ADAMTS12: variants seen among roughly 807,000 people sequenced by gnomAD.
ADAMTS12 encodes the protein ADAM metallopeptidase with thrombospondin type 1 motif 12, also known as A disintegrin and metalloproteinase with thrombospondin motifs 12.
In ADAMTS12, 118 loss-of-function variants were observed where a neutral mutation model predicts 167.8. The observed-to-expected ratio is 0.70, with a 90% CI of 0.61 to 0.82. ADAMTS12 has a LOEUF of 0.82. ADAMTS12 is among the 40% of genes least tolerant of loss of function. ADAMTS12 has a pLI of 0.00. For synonymous variants in ADAMTS12, 704 were observed against 716.9 expected, an observed-to-expected ratio of 0.98 and a Z score of 0.29; for missense variants, 1,916 against 1,998.8, an observed-to-expected ratio of 0.96 and a Z score of 0.79.
intron 2 of ADAMTS12, among the ~76,000 whole-genome samples, chr5:33,796,608 CAATGAGTTGTAAGAGTA>C (rs1161571323): frequency 6.6e-6 from 1 of 152,092 alleles, no homozygotes; most frequent in African/African-American, 2.4e-5. Context: ...TAGTTTTTGC[CAATGAGTTGTAAGAGTA>C]AATGACACAT....
At chr5:33,797,908 G>A (rs974238886) in intron 2 of ADAMTS12, among the ~76,000 whole-genome samples, 1 of 152,132 alleles carries the variant, frequency 6.6e-6, no homozygotes, top group African/African-American at 2.4e-5. Flanking sequence ...TCTAATGTCT[G>A]TAGCAAAGTA....
intron 14 of ADAMTS12, among the ~76,000 whole-genome samples, chr5:33,619,688 T>C (rs776733584): frequency 2.0e-5 from 3 of 152,082 alleles, no homozygotes; most frequent in Non-Finnish European, 4.4e-5. Context: ...TGTATGTATA[T>C]ATTTATTTAT....
At chr5:33,690,147 A>C (rs1259776820) in intron 3 of ADAMTS12, among the ~76,000 whole-genome samples, 2 of 152,196 alleles carry the variant, frequency 1.3e-5, no homozygotes, top group Non-Finnish European at 2.9e-5. Flanking sequence ...AGGTGTGTGC[A>C]TCCATTAGCA....
intron 3 of ADAMTS12, among the ~76,000 whole-genome samples, chr5:33,686,090 A>C (rs1319469156): frequency 3.9e-5 from 6 of 152,076 alleles, no homozygotes; most frequent in African/African-American, 1.4e-4. Flanking sequence ...CTGGGTGGGG[A>C]CAGGTCTGTT....
rs547263587 is a variant in ADAMTS12, at chr5:33,777,703, GAGGCATC to G, written c.490-26162_490-26156del. Among the ~76,000 whole-genome samples, 83 of 152,028 alleles carry G rather than the reference GAGGCATC, an allele frequency of 5.5e-4. No individual in the cohort carries two copies. The East Asian group carries it at 0.014, about 26-fold the overall frequency. On this transcript the variant is annotated intron_variant, in intron 2 of 23. Coordinates refer to ENST00000504830, the MANE Select transcript of ADAMTS12 (RefSeq NM_030955.4). ...GCAGTTAGGCAAGAAAAAGAAATAAGAGGCATCCAAATTGTAAAGGAAGCAGTAAAAT... is the reference window on the plus strand; with the variant it reads ...GCAGTTAGGCAAGAAAAAGAAATAAGCAAATTGTAAAGGAAGCAGTAAAAT...
At chr5:33,745,897 A>G (rs1406282111) in intron 3 of ADAMTS12, among the ~76,000 whole-genome samples, 1 of 152,166 alleles carries the variant, frequency 6.6e-6, no homozygotes, top group Non-Finnish European at 1.5e-5. Context: ...TGCATTAAGC[A>G]TTTCCCCAAA....
At chr5:33,798,017 A>G (rs910639353) in intron 2 of ADAMTS12, among the ~76,000 whole-genome samples, 9 of 152,172 alleles carry the variant, frequency 5.9e-5, no homozygotes, top group Non-Finnish European at 8.8e-5. Flanking sequence ...ACATCTGACA[A>G]TCTCTTTCCT....
At chr5:33,821,900 T>A (rs1052998375) in intron 2 of ADAMTS12, among the ~76,000 whole-genome samples, 1 of 152,178 alleles carries the variant, frequency 6.6e-6, no homozygotes, top group Non-Finnish European at 1.5e-5. Context: ...CAGCTCTTCA[T>A]TTAGAACTGA....
At chr5:33,623,713 T>A (rs560978415) in intron 14 of ADAMTS12, among the ~76,000 whole-genome samples, 45 of 152,310 alleles carry the variant, frequency 3.0e-4, no homozygotes, top group African/African-American at 1.0e-3. Context: ...ATAAACGAGA[T>A]TTGATGCAAC....
At chr5:33,823,157 G>C (rs1323711959) in intron 2 of ADAMTS12, among the ~76,000 whole-genome samples, 2 of 151,516 alleles carry the variant, frequency 1.3e-5, no homozygotes, top group African/African-American at 4.8e-5. Flanking sequence ...CCTTTGGACT[G>C]CCCATAATAT....
chr5:33,573,562 G>C (rs1746505325), intron 19 of ADAMTS12, among the ~76,000 whole-genome samples: 1 of 152,134 alleles, frequency 6.6e-6, no homozygotes, highest in Non-Finnish European at 1.5e-5. Context: ...GCTGAAACTC[G>C]ATCCCTTCCT....
At chr5:33,687,743 T>C (rs1265397849) in intron 3 of ADAMTS12, among the ~76,000 whole-genome samples, 1 of 152,238 alleles carries the variant, frequency 6.6e-6, no homozygotes, top group East Asian at 1.9e-4. Context: ...GTGGGCTGAC[T>C]CTGCGGAGTT....
chr5:33,625,730 G>C (rs72739430), intron 13 of ADAMTS12, among the ~76,000 whole-genome samples: 15,109 of 152,192 alleles, frequency 0.099, 1,197 homozygotes, highest in East Asian at 0.35. Flanking sequence ...ACACACCCAT[G>C]TCCCCAACAT....
chr5:33,867,249 T>A (rs1411509523), intron 2 of ADAMTS12, among the ~76,000 whole-genome samples: 1 of 152,096 alleles, frequency 6.6e-6, no homozygotes, highest in Non-Finnish European at 1.5e-5. Context: ...GAAAATGTGG[T>A]ATACATACAC....
At chr5:33,552,643 T>A (rs1579655154) in intron 20 of ADAMTS12, among the ~76,000 whole-genome samples, 1 of 152,236 alleles carries the variant, frequency 6.6e-6, no homozygotes, top group East Asian at 1.9e-4. Flanking sequence ...AACACATTCA[T>A]AAGACCCTTA....
chr5:33,706,932 T>C (rs1579858190), intron 3 of ADAMTS12, among the ~76,000 whole-genome samples: 1 of 152,238 alleles, frequency 6.6e-6, no homozygotes, highest in East Asian at 1.9e-4. Context: ...CTATTCAGCA[T>C]AGTATTGGAA....
chr5:33,820,432 T>C (rs969218770), intron 2 of ADAMTS12, among the ~76,000 whole-genome samples: 2 of 152,204 alleles, frequency 1.3e-5, no homozygotes, highest in African/African-American at 4.8e-5. Context: ...AAGAACTTTA[T>C]ACAGATCTTT....
chr5:33,594,798 T>A (rs1747832171), intron 17 of ADAMTS12, among the ~76,000 whole-genome samples: 2 of 152,212 alleles, frequency 1.3e-5, no homozygotes, highest in African/African-American at 2.4e-5. Flanking sequence ...CCCTGGCCTC[T>A]GGGTCCTGCC....
intron 3 of ADAMTS12, among the ~76,000 whole-genome samples, chr5:33,700,232 C>A (rs1742951068): frequency 6.6e-6 from 1 of 152,192 alleles, no homozygotes; most frequent in Non-Finnish European, 1.5e-5. Context: ...AGACTTATGT[C>A]CACATAAAAA....
Sources: allele counts gnomAD v4.1 joint callset (sites outside exome capture counted in the v4.1 genomes callset), GRCh38; gene constraint gnomAD v4.1.1; transcripts MANE v1.5; gene names NCBI Gene and HGNC (gene_info 2026-07-23, HGNC 2026-07-21).